The following TOX2 variants were observed in gnomAD, a reference collection of about 807,000 sequenced individuals.
TOX2 encodes the protein granulosa cell HMG box 1.
TOX2 carries 15 observed loss-of-function variants against 47.4 expected under a neutral mutation model. The observed-to-expected ratio is 0.32, with a 90% CI of 0.21 to 0.49. The LOEUF is 0.49. Among genes scored for constraint, TOX2 ranks in the 20% least tolerant of loss-of-function variants. The pLI, the probability that TOX2 is intolerant of heterozygous loss-of-function variation, is 0.99. For synonymous variants in TOX2, 290 were observed against 296.6 expected (o/e 0.98, Z 0.23); for missense variants, 622 against 673.1 (o/e 0.92, Z 0.84).
intron 2 of TOX2, among the ~76,000 whole-genome samples, chr20:43,979,836 C>G (rs565631422): frequency 1.7e-3 from 257 of 152,318 alleles, no homozygotes; most frequent in African/African-American, 5.9e-3. Flanking sequence ...AATGTGATCT[C>G]ACCCAGTTAA....
intron 3 of TOX2, among the ~76,000 whole-genome samples, chr20:44,010,769 A>T (rs537762121): frequency 3.3e-5 from 5 of 152,192 alleles, no homozygotes; most frequent in Admixed American, 2.0e-4. Flanking sequence ...TAGTATCATG[A>T]AGGGATGGAG....
At chr20:43,977,828 CA>C (rs1407587777) in intron 2 of TOX2, among the ~76,000 whole-genome samples, 1 of 152,140 alleles carries the variant, frequency 6.6e-6, no homozygotes, top group East Asian at 1.9e-4. Context: ...CTGTTGAGAG[CA>C]GACTCTGTCC....
At chr20:43,925,878 G>C (rs1342300035) in intron 1 of TOX2, among the ~76,000 whole-genome samples, 2 of 152,224 alleles carry the variant, frequency 1.3e-5, no homozygotes, top group Non-Finnish European at 2.9e-5. Flanking sequence ...AAGGGTGGCA[G>C]AGGGGGCTGT....
chr20:44,050,626 A>G (rs979152824), intron 3 of TOX2, among the ~76,000 whole-genome samples: 3 of 152,238 alleles, frequency 2.0e-5, no homozygotes, highest in African/African-American at 7.2e-5. Flanking sequence ...CAGTTAGAAA[A>G]TATCATGGGG....
At chr20:44,015,340 A>T (rs1277953388) in intron 3 of TOX2, among the ~76,000 whole-genome samples, 2 of 152,196 alleles carry the variant, frequency 1.3e-5, no homozygotes, top group Non-Finnish European at 2.9e-5. Context: ...TTTATTTTCA[A>T]ACACTCCTGC....
intron 2 of TOX2, among the ~76,000 whole-genome samples, chr20:43,986,577 C>T (rs1015493193): frequency 2.0e-5 from 3 of 151,932 alleles, no homozygotes; most frequent in African/African-American, 7.3e-5. Context: ...CCACTGTGCC[C>T]GGCTTTAAAA....
At chr20:43,982,286 G>A (rs2070182284) in intron 2 of TOX2, among the ~76,000 whole-genome samples, 1 of 152,136 alleles carries the variant, frequency 6.6e-6, no homozygotes, top group East Asian at 1.9e-4. Flanking sequence ...ATTTGCTGTG[G>A]GGCATGGGAG....
chr20:44,044,237 T>C (rs2071379051), intron 3 of TOX2, among the ~76,000 whole-genome samples: 1 of 151,382 alleles, frequency 6.6e-6, no homozygotes, highest in Non-Finnish European at 1.5e-5. Context: ...TGAGAACACT[T>C]GGACAAAGGA....
chr20:43,919,487 A>G lies in TOX2; in HGVS notation c.99+4497A>G, dbSNP rs1306354142. Among the ~76,000 whole-genome samples, 6 of 152,320 alleles carry G rather than the reference A, an allele frequency of 3.9e-5. 1 individual carries two copies. In the Middle Eastern group the frequency reaches 0.017, roughly 432 times the overall value. The stretch of plus-strand genomic sequence containing the variant: ...TAGTGTTTCTCAAATCTATGTACAC[A>G]TGAAGAATCAGCTGGCAAGATTTTT... On this transcript the variant is annotated intron_variant, in intron 1 of 8. Transcript: ENST00000341197.
chr20:44,022,240 C>G (rs73292461), intron 3 of TOX2, among the ~76,000 whole-genome samples: 1 of 152,116 alleles, frequency 6.6e-6, no homozygotes, highest in Non-Finnish European at 1.5e-5. Context: ...TTGGAGAGAA[C>G]TGGATTTTGA....
intron 3 of TOX2, among the ~76,000 whole-genome samples, chr20:44,044,923 T>G (rs539741831): frequency 1.8e-4 from 27 of 152,298 alleles, no homozygotes; most frequent in African/African-American, 6.5e-4. Flanking sequence ...AAGGGTGTAT[T>G]GCTCAGCCTT....
Position 44,068,847 on chromosome 20 carries a change from C to A in TOX2, c.*161C>A. ...GCTGAGTCTCTTCCTCAACCTCCCA[C>A]CAGACTCTGCAGAGGCAGCCCACTG... On this transcript the variant is annotated 3_prime_UTR_variant, in exon 9 of 9. Coordinates refer to ENST00000341197, the MANE Select transcript of TOX2 (RefSeq NM_001098797.2). 3 of 982,004 alleles carry A rather than the reference C, an allele frequency of 3.1e-6. No individual in the cohort carries two copies. Among genetic ancestry groups the A allele is most frequent in the Non-Finnish European group, 4.8e-6 (3 of 628,740 alleles). The allele number at this position is 982,004 out of a possible 1,614,324, so 60.8% of individuals were successfully genotyped here. A position where few individuals can be genotyped will look rare whatever the true frequency, so the allele number is the denominator to read the frequency against.
At chr20:44,005,259 C>T (rs1018664876) in intron 2 of TOX2, among the ~76,000 whole-genome samples, 3 of 152,200 alleles carry the variant, frequency 2.0e-5, no homozygotes, top group African/African-American at 4.8e-5. Context: ...AACAGGCATC[C>T]ATTAGACACT....
intron 1 of TOX2, chr20:43,955,378 G>A (rs1371383611): frequency 2.6e-5 from 23 of 901,122 alleles, no homozygotes; most frequent in Non-Finnish European, 3.1e-5. Flanking sequence ...CTGGCTTCTG[G>A]TTTCTTGGCA....
Position 44,006,811 on chromosome 20 carries a change from C to T in TOX2, c.411+19C>T. 1 of 1,607,412 alleles carries T rather than the reference C, an allele frequency of 6.2e-7. No individual in the cohort carries two copies. Among genetic ancestry groups the T allele is most frequent in the Non-Finnish European group, 8.5e-7 (1 of 1,177,586 alleles). ...GCCCACGGTGAGTCCCTATCGCCTG[C>T]TGCAGTTCCTGCTGATGACAGCAGG... On this transcript the variant is annotated intron_variant, in intron 3 of 8. Transcript: ENST00000341197.
rs138861548 is a variant in TOX2, at chr20:44,054,472, C to T, written c.825C>T (p.Asp275=). ...KGQNPSATFG[D]VSKIVASMWD... ...AGAACCCCAGTGCCACTTTCGGTGA[C>T]GTGTCCAAAATCGTGGCCTCCATGT... The change falls in exon 5 of 9, where the codon GAC becomes GAT. Residue 275 remains aspartate (D), a synonymous_variant. Transcript: ENST00000341197. 1.4e-4 allele frequency: 218 copies of T among 1,613,830 alleles called. No individual in the cohort carries two copies. Among genetic ancestry groups the T allele is most frequent in the Non-Finnish European group, 1.5e-4 (179 of 1,179,948 alleles).
rs559040496 is a variant in TOX2, at chr20:43,987,277, C to G, written c.165+13845C>G. On this transcript the variant is annotated intron_variant, in intron 2 of 8. Transcript: ENST00000341197. The stretch of plus-strand genomic sequence containing the variant: ...AAAGAAACCAGACAACAAGACAGAA[C>G]ATTCTAGACAATGCCATTTACATAC... 8.5e-5 allele frequency among the ~76,000 whole-genome samples: 13 copies of G among 152,244 alleles called. No homozygotes were observed. The South Asian group carries it at 1.0e-3, about 12-fold the overall frequency.
intron 8 of TOX2, among the ~76,000 whole-genome samples, chr20:44,067,162 A>C (rs908602205): frequency 1.3e-5 from 2 of 151,984 alleles, no homozygotes; most frequent in Admixed American, 6.5e-5. Flanking sequence ...CCTGCATCTT[A>C]GGCCAGTTCC....
chr20:44,011,698 C>T (rs1000938022), intron 3 of TOX2, among the ~76,000 whole-genome samples: 6 of 152,216 alleles, frequency 3.9e-5, no homozygotes, highest in African/African-American at 1.2e-4. Flanking sequence ...GTGCTTCAGG[C>T]GTTGTCTGCA....
Sources: gnomAD v4.1 joint callset for allele counts (sites outside exome capture counted in the v4.1 genomes callset) on GRCh38, gnomAD v4.1.1 for gene constraint, MANE v1.5 for transcripts, NCBI Gene and HGNC (gene_info 2026-07-23, HGNC 2026-07-21) for gene names.